The following KLHL13 variants were observed in gnomAD, a reference collection of about 807,000 sequenced individuals.
KLHL13 encodes the protein kelch like family member 13.
In KLHL13, 10 loss-of-function variants were observed where a neutral mutation model predicts 37.1. The ratio of observed to expected loss-of-function variants is 0.27; its 90% CI spans 0.17 to 0.46. KLHL13 has a LOEUF of 0.46. Ranked by LOEUF, KLHL13 falls within the 20% of genes least tolerant of loss-of-function variation. The pLI is 1.00. For missense variants in KLHL13, 360 were observed against 509.3 expected, an observed-to-expected ratio of 0.71 and a Z score of 2.82; for synonymous variants, 163 against 181.2, an observed-to-expected ratio of 0.90 and a Z score of 0.81.
chrX:118,032,602 A>G (rs1198256146), intron 1 of KLHL13, among the ~76,000 whole-genome samples: 1 of 111,855 alleles, frequency 8.9e-6, no homozygotes, highest in Non-Finnish European at 1.9e-5. Context: ...CATCACCATC[A>G]TCAAAGACCA....
intron 2 of KLHL13, among the ~76,000 whole-genome samples, chrX:117,939,100 C>T (rs757524503): frequency 9.1e-6 from 1 of 110,284 alleles, no homozygotes; most frequent in South Asian, 4.0e-4. Context: ...AGCCCCCCAC[C>T]CCCTGAAAGG....
chrX:118,061,932 T>G (rs1477647107), intron 1 of KLHL13, among the ~76,000 whole-genome samples: 1 of 111,739 alleles, frequency 8.9e-6, no homozygotes, highest in African/African-American at 3.2e-5. Flanking sequence ...AAACCCATAT[T>G]GAAAGTATTC....
intron 1 of KLHL13, among the ~76,000 whole-genome samples, chrX:118,103,806 A>G (rs2055315118): frequency 9.0e-6 from 1 of 110,750 alleles, no homozygotes; most frequent in Admixed American, 9.7e-5. Context: ...GACTATAAAC[A>G]CTAACTGTAT....
intron 2 of KLHL13, among the ~76,000 whole-genome samples, chrX:117,921,358 A>G (rs1163349014): frequency 8.9e-6 from 1 of 112,116 alleles, no homozygotes; most frequent in Non-Finnish European, 1.9e-5. Context: ...CATGTTTTAC[A>G]TGACAAATTA....
chrX:117,957,049 C>T (rs2053216188), intron 1 of KLHL13, among the ~76,000 whole-genome samples: 2 of 111,135 alleles, frequency 1.8e-5, no homozygotes, highest in African/African-American at 6.5e-5. Flanking sequence ...AAGGCAATTG[C>T]TCTCACCAAA....
intron 1 of KLHL13, among the ~76,000 whole-genome samples, chrX:117,971,886 G>C (rs1464566594): frequency 1.8e-5 from 2 of 111,150 alleles, no homozygotes; most frequent in African/African-American, 6.5e-5. Flanking sequence ...CTTTTCAAAA[G>C]CTTTTCTCGT....
intron 1 of KLHL13, among the ~76,000 whole-genome samples, chrX:117,966,131 A>G (rs898098963): frequency 1.5e-4 from 17 of 111,854 alleles, no homozygotes; most frequent in East Asian, 5.6e-4. Flanking sequence ...GTTTGCAGAC[A>G]ACATGATTGT....
intron 1 of KLHL13, among the ~76,000 whole-genome samples, chrX:118,045,534 TG>T (rs2054550997): frequency 9.0e-6 from 1 of 111,372 alleles, no homozygotes; most frequent in Non-Finnish European, 1.9e-5. Context: ...CCAGACATGA[TG>T]GTTCACGCCT....
At chrX:118,053,726 TA>T (rs1437686599) in intron 1 of KLHL13, among the ~76,000 whole-genome samples, 2 of 103,795 alleles carry the variant, frequency 1.9e-5, no homozygotes, top group Non-Finnish European at 3.9e-5. Flanking sequence ...AGAATGGCAA[TA>T]AAAAGAATAA....
At chrX:117,988,984 A>T (rs745931375) in intron 1 of KLHL13, among the ~76,000 whole-genome samples, 28 of 112,066 alleles carry the variant, frequency 2.5e-4, no homozygotes, top group African/African-American at 9.0e-4. Context: ...ACATGCCAGA[A>T]CATTAGGAAG....
chrX:118,037,698 A>G lies in KLHL13; in HGVS notation c.-56+78810T>C, dbSNP rs1002062298. On this transcript the variant is annotated intron_variant, in intron 1 of 6. Transcript: ENST00000371882. ...AGCATGGCACATGTATACATATGTAACTAACCTGCACATTGTGCACATGTA... is the reference window on the plus strand; with the variant it reads ...AGCATGGCACATGTATACATATGTAGCTAACCTGCACATTGTGCACATGTA... Among the ~76,000 whole-genome samples, 160 of 111,592 alleles carry G rather than the reference A, an allele frequency of 1.4e-3. 1 individual carries two copies. Among genetic ancestry groups the G allele is most frequent in the Non-Finnish European group, 1.5e-3 (79 of 53,093 alleles).
At chrX:118,106,576 T>G (rs2055349641) in intron 1 of KLHL13, among the ~76,000 whole-genome samples, 1 of 111,865 alleles carries the variant, frequency 8.9e-6, no homozygotes, top group Non-Finnish European at 1.9e-5. Flanking sequence ...TTTCAAGCAC[T>G]TGAATATACA....
At position 118,075,519 on chromosome X, in the gene KLHL13, C is replaced by T. The variant is rs549896668; in HGVS notation, c.-56+40989G>A. Among the ~76,000 whole-genome samples, 43 of 111,365 alleles carry T rather than the reference C, an allele frequency of 3.9e-4. No homozygotes were observed. The South Asian group carries it at 6.8e-3, about 18-fold the overall frequency. On this transcript the variant is annotated intron_variant, in intron 1 of 6. Transcript: ENST00000371882. ...AGAGAGAGGAAGGATTAATTGAAAGCTATTGAATGGTTTCACTACTAGAAT... is the reference window on the plus strand; with the variant it reads ...AGAGAGAGGAAGGATTAATTGAAAGTTATTGAATGGTTTCACTACTAGAAT...
chrX:118,110,204 T>C (rs2055392588), intron 1 of KLHL13, among the ~76,000 whole-genome samples: 1 of 110,335 alleles, frequency 9.1e-6, no homozygotes, highest in South Asian at 3.9e-4. Context: ...CTCTTGGGTT[T>C]TCCTTTGCAT....
intron 1 of KLHL13, among the ~76,000 whole-genome samples, chrX:118,076,245 A>G (rs2054926864): frequency 9.0e-6 from 1 of 111,677 alleles, no homozygotes; most frequent in Non-Finnish European, 1.9e-5. Context: ...TCCAGGATTG[A>G]GGTTTATTTT....
chrX:117,905,505 G>GCACACACACACA (rs34703680), intron 5 of KLHL13, among the ~76,000 whole-genome samples: 63 of 103,282 alleles, frequency 6.1e-4, no homozygotes, highest in African/African-American at 2.1e-3. Flanking sequence ...GCTAGTGCGT[G>GCACACACACACA]CACACACACA....
chrX:118,071,510 A>C (rs753915843), intron 1 of KLHL13, among the ~76,000 whole-genome samples: 18 of 111,911 alleles, frequency 1.6e-4, no homozygotes, highest in Non-Finnish European at 2.6e-4. Flanking sequence ...ATGGCCAGTG[A>C]TGGTGAGCAT....
At position 118,096,570 on chromosome X, in the gene KLHL13, C is replaced by T. The variant is rs767777579; in HGVS notation, c.-56+19938G>A. ...TAGAAAAAGAGGGAATCCTCCCTAA[C>T]TCTTTGATGAGGCCAGCATCATCCT... On this transcript the variant is annotated intron_variant, in intron 1 of 6. Transcript: ENST00000371882. Among the ~76,000 whole-genome samples, 77 of 111,956 alleles carry T rather than the reference C, an allele frequency of 6.9e-4. 1 individual carries two copies. Among genetic ancestry groups the T allele is most frequent in the Admixed American group, 1.7e-3 (18 of 10,511 alleles).
At chrX:117,912,699 C>T (rs1389107999) in intron 4 of KLHL13, among the ~76,000 whole-genome samples, 1 of 112,077 alleles carries the variant, frequency 8.9e-6, no homozygotes, top group Non-Finnish European at 1.9e-5. Flanking sequence ...ACCTTCCGAA[C>T]TGTTATCTTC....
Sources: allele counts gnomAD v4.1 joint callset (sites outside exome capture counted in the v4.1 genomes callset), GRCh38; gene constraint gnomAD v4.1.1; transcripts MANE v1.5; gene names NCBI Gene and HGNC (gene_info 2026-07-23, HGNC 2026-07-21).